Variants in GAREM1 observed in about 807,000 individuals in gnomAD.
The protein encoded by GAREM1 is GRB2-associated and regulator of MAPK protein 1.
In GAREM1, 26 loss-of-function variants were observed where a neutral mutation model predicts 71.3. That is an observed-to-expected ratio of 0.36 (90% CI 0.27 to 0.51). The LOEUF is 0.51. Ranked by LOEUF, GAREM1 falls within the 20% of genes least tolerant of loss-of-function variation. GAREM1 has a pLI of 0.95. For synonymous variants in GAREM1, 440 were observed against 433.2 expected (o/e 1.02, Z -0.20); for missense variants, 1,026 against 1,103.1 (o/e 0.93, Z 0.99).
chr18:32,432,217 C>G (rs1416201792), intron 1 of GAREM1, among the ~76,000 whole-genome samples: 1 of 152,046 alleles, frequency 6.6e-6, no homozygotes, highest in African/African-American at 2.4e-5. Flanking sequence ...AAGAAAAATT[C>G]TAACAATGTC....
At chr18:32,458,942 A>C (rs1445756640) in intron 1 of GAREM1, among the ~76,000 whole-genome samples, 5 of 152,106 alleles carry the variant, frequency 3.3e-5, no homozygotes, top group African/African-American at 9.6e-5. Context: ...CCAAAATAAT[A>C]AAATGATGTA....
At chr18:32,398,331 A>G (rs2144667037) in intron 1 of GAREM1, among the ~76,000 whole-genome samples, 1 of 152,310 alleles carries the variant, frequency 6.6e-6, no homozygotes, top group Admixed American at 6.5e-5. Flanking sequence ...GAACTGAAGG[A>G]GATAGAGACA....
intron 1 of GAREM1, among the ~76,000 whole-genome samples, chr18:32,445,460 G>A (rs187498603): frequency 6.6e-6 from 1 of 151,872 alleles, no homozygotes; most frequent in Non-Finnish European, 1.5e-5. Context: ...TCTTCCAATA[G>A]GGGTATATAC....
chr18:32,426,591 G>T (rs2048577865), intron 1 of GAREM1, among the ~76,000 whole-genome samples: 1 of 152,034 alleles, frequency 6.6e-6, no homozygotes, highest in South Asian at 2.1e-4. Flanking sequence ...ATCTCTAAAT[G>T]TATCACTACC....
chr18:32,354,701 CG>C (rs1461795521), intron 2 of GAREM1, among the ~76,000 whole-genome samples: 2 of 152,146 alleles, frequency 1.3e-5, no homozygotes, highest in African/African-American at 2.4e-5. Context: ...GGAGGAAAAG[CG>C]GTGTGGCTGA....
intron 4 of GAREM1, among the ~76,000 whole-genome samples, chr18:32,284,376 T>C (rs2046987502): frequency 6.6e-6 from 1 of 152,244 alleles, no homozygotes; most frequent in African/African-American, 2.4e-5. Context: ...TTTTTTTTTC[T>C]TCTGTGAGAT....
Position 32,449,526 on chromosome 18 carries a change from T to TA in GAREM1, c.121+20781dup, listed in dbSNP as rs1234407876. 3.3e-5 allele frequency among the ~76,000 whole-genome samples: 5 copies of TA among 151,798 alleles called. No homozygotes were observed. The East Asian group carries it at 9.7e-4, about 30-fold the overall frequency. Reference sequence around the variant, plus strand: ...CCCATCTCTACAAAACATATATATTTAAAAAAAATTAGTTGGGTGTGGTGG... The same window carrying TA: ...CCCATCTCTACAAAACATATATATTTAAAAAAAAATTAGTTGGGTGTGGTGG... On this transcript the variant is annotated intron_variant, in intron 1 of 5. Transcript: ENST00000269209.
chr18:32,284,310 G>A (rs928767621), intron 4 of GAREM1, among the ~76,000 whole-genome samples: 23 of 152,272 alleles, frequency 1.5e-4, no homozygotes, highest in Admixed American at 1.0e-3. Context: ...CACTGGACAC[G>A]CTCTGAAAAG....
At chr18:32,336,881 TC>T (rs1347116099) in intron 2 of GAREM1, among the ~76,000 whole-genome samples, 2 of 152,174 alleles carry the variant, frequency 1.3e-5, no homozygotes, top group Non-Finnish European at 2.9e-5. Flanking sequence ...AAACTTACCT[TC>T]CTGACTTCAC....
chr18:32,354,691 G>T (rs1013379709), intron 2 of GAREM1, among the ~76,000 whole-genome samples: 2 of 152,162 alleles, frequency 1.3e-5, no homozygotes, highest in African/African-American at 4.8e-5. Context: ...CATGGCCCGG[G>T]GAGGAAAAGC....
intron 2 of GAREM1, among the ~76,000 whole-genome samples, chr18:32,311,886 T>C (rs2047327884): frequency 6.6e-6 from 1 of 152,202 alleles, no homozygotes; most frequent in South Asian, 2.1e-4. Context: ...AGCTGGCATG[T>C]TGAGAAGACC....
intron 3 of GAREM1, 143 bp downstream of exon 3, chr18:32,310,050 A>T: frequency 1.4e-6 from 1 of 729,056 alleles, no homozygotes. Context: ...GCTACAATAT[A>T]TGTGGTTTTG....
intron 2 of GAREM1, among the ~76,000 whole-genome samples, chr18:32,326,504 A>C (rs1003251808): frequency 1.3e-5 from 2 of 152,194 alleles, no homozygotes; most frequent in African/African-American, 4.8e-5. Context: ...TTAATTAAAA[A>C]ATGGAGAAGA....
rs1035909496 is a variant in GAREM1 at position 32,470,130 on chromosome 18, C to T, written c.121+178G>A. Among the ~76,000 whole-genome samples the T allele has an allele frequency of 1.3e-5, 2 of 152,116 alleles. No individual in the cohort carries two copies. Among genetic ancestry groups the T allele is most frequent in the African/African-American group, 2.4e-5 (1 of 41,428 alleles). On this transcript the variant is annotated intron_variant, in intron 1 of 5. Coordinates refer to ENST00000269209, the MANE Select transcript of GAREM1 (RefSeq NM_001242409.2). The surrounding 1 kb of genome is among the most constrained non-coding windows in gnomAD (Gnocchi z 4.4). ...ACTCTGATTTCCACCTCCTTGTCTG[C>T]TGCTGGGGGGAGTTGAGAGCAACGC...
At chr18:32,385,445 C>G (rs113109132) in intron 2 of GAREM1, among the ~76,000 whole-genome samples, 2 of 152,072 alleles carry the variant, frequency 1.3e-5, no homozygotes, top group Non-Finnish European at 2.9e-5. Context: ...TGATCACCCC[C>G]CTAGGCCCAG....
intron 1 of GAREM1, among the ~76,000 whole-genome samples, chr18:32,449,494 GC>G (rs1223983943): frequency 6.6e-6 from 1 of 152,108 alleles, no homozygotes; most frequent in Admixed American, 6.6e-5. Flanking sequence ...AGACAACATG[GC>G]GAAACCCCAT....
intron 1 of GAREM1, among the ~76,000 whole-genome samples, chr18:32,423,776 T>C (rs1264241409): frequency 6.6e-6 from 1 of 152,200 alleles, no homozygotes; most frequent in African/African-American, 2.4e-5. Flanking sequence ...TTATAGTATT[T>C]TGTACTTCAA....
intron 2 of GAREM1, among the ~76,000 whole-genome samples, chr18:32,372,930 T>C (rs1260394451): frequency 1.3e-4 from 20 of 152,190 alleles, no homozygotes; most frequent in Non-Finnish European, 2.4e-4. Context: ...GGCAGCTTCA[T>C]CTCGATTACA....
intron 2 of GAREM1, among the ~76,000 whole-genome samples, chr18:32,390,235 T>G (rs2048183122): frequency 6.6e-6 from 1 of 152,024 alleles, no homozygotes; most frequent in South Asian, 2.1e-4. Context: ...TTTATAAAAT[T>G]TTTTTTAAAA....
Sources: allele counts gnomAD v4.1 joint callset (sites outside exome capture counted in the v4.1 genomes callset), GRCh38; gene constraint gnomAD v4.1.1; non-coding constraint Gnocchi (gnomAD v3.1); transcripts MANE v1.5; gene names NCBI Gene and HGNC (gene_info 2026-07-23, HGNC 2026-07-21).